The following NSUN7 variants were observed in gnomAD, a reference collection of about 807,000 sequenced individuals.
NSUN7 encodes NOP2/Sun RNA methyltransferase family member 7.
NSUN7 carries 39 observed loss-of-function variants against 58.5 expected under a neutral mutation model. The ratio of observed to expected loss-of-function variants is 0.67; its 90% CI spans 0.52 to 0.87. NSUN7 has a LOEUF of 0.87. Ranked by LOEUF, NSUN7 falls within the 40% of genes least tolerant of loss-of-function variation. The probability of loss-of-function intolerance (pLI) is 0.00; values close to 1 mark genes in which losing one functional copy is unlikely to be tolerated. For missense variants in NSUN7, 765 were observed against 844.1 expected (o/e 0.91, Z 1.16); for synonymous variants, 278 against 303.7 (o/e 0.92, Z 0.88).
chr4:40,757,408 C>G (rs1397293189), intron 2 of NSUN7, among the ~76,000 whole-genome samples: 1 of 151,622 alleles, frequency 6.6e-6, no homozygotes, highest in Non-Finnish European at 1.5e-5. Context: ...ATATTACATG[C>G]ATTTTTGATA....
chr4:40,785,547 G>T (rs1183048233), intron 7 of NSUN7, among the ~76,000 whole-genome samples: 4 of 152,056 alleles, frequency 2.6e-5, no homozygotes, highest in African/African-American at 9.7e-5. Context: ...TTTTAGTAGA[G>T]ATAGGGTTTC....
In NSUN7 at chr4:40,780,859, G is replaced by A. The variant is rs796277942; in HGVS notation, c.1036+4600G>A. Among the ~76,000 whole-genome samples the A allele has an allele frequency of 3.1e-3, 357 of 114,632 alleles. 1 individual carries two copies. The highest frequency in any genetic ancestry group is 0.011 in the African/African-American group (334 of 29,218). The allele number at this position is 114,632 out of a possible 152,430, so 75.2% of individuals were successfully genotyped here. Reference sequence around the variant, plus strand: ...TTTTGAGACGGTGTCTCGCTCTGTCGCCCAGGCTGGAGTGCAGTGGCATGA... The same window carrying A: ...TTTTGAGACGGTGTCTCGCTCTGTCACCCAGGCTGGAGTGCAGTGGCATGA... On this transcript the variant is annotated intron_variant, in intron 7 of 11. Transcript: ENST00000381782.
chr4:40,760,602 CCT>C, intron 3 of NSUN7, 110 bp downstream of exon 3: 1 of 805,648 alleles, frequency 1.2e-6, no homozygotes, highest in African/African-American at 1.8e-5. Flanking sequence ...GTGGCTCACA[CCT>C]GTAATCCCAG....
At chr4:40,807,434 C>T (rs554014286) in intron 11 of NSUN7, among the ~76,000 whole-genome samples, 20 of 151,668 alleles carry the variant, frequency 1.3e-4, no homozygotes, top group East Asian at 3.9e-4. Flanking sequence ...TTGCAACCTC[C>T]GCCTCCCAGG....
At chr4:40,767,332 C>T (rs1274913264) in intron 4 of NSUN7, among the ~76,000 whole-genome samples, 3 of 152,176 alleles carry the variant, frequency 2.0e-5, no homozygotes, top group Admixed American at 1.3e-4. Flanking sequence ...GCCTTCATTT[C>T]GTTATGTACC....
chr4:40,798,758 T>TA, intron 9 of NSUN7, 29 bp from the exon 10 acceptor site: 3 of 1,246,184 alleles, frequency 2.4e-6, no homozygotes, highest in Non-Finnish European at 2.3e-6. Context: ...ATATAGTTGT[T>TA]ACAGTCATTG....
chr4:40,783,476 A>C (rs1362185534), intron 7 of NSUN7, among the ~76,000 whole-genome samples: 1 of 72,910 alleles, frequency 1.4e-5, no homozygotes, highest in Admixed American at 1.7e-4. Flanking sequence ...CATCAAAAGC[A>C]CAAGCAACAA....
At chr4:40,779,710 G>A (rs1164831362) in intron 7 of NSUN7, among the ~76,000 whole-genome samples, 1 of 152,124 alleles carries the variant, frequency 6.6e-6, no homozygotes, top group Non-Finnish European at 1.5e-5. Context: ...AATGTTTAAT[G>A]GGGTTGCAAA....
chr4:40,766,351 T>G (rs1481837412), intron 4 of NSUN7, among the ~76,000 whole-genome samples: 23 of 151,910 alleles, frequency 1.5e-4, no homozygotes, highest in African/African-American at 5.6e-4. Context: ...ATGTGGTTTT[T>G]GTCTTTGGTT....
rs572134574 is a variant in NSUN7 at position 40,786,870 on chromosome 4, C to T, written c.1037-3732C>T. On this transcript the variant is annotated intron_variant, in intron 7 of 11. Transcript: ENST00000381782. ...ACAATCAGATGCCCAACTCTGTTGC[C>T]TTGTGGAAGATAAGTAAATGCAGTG... Among the ~76,000 whole-genome samples, 4 of 152,080 alleles carry T rather than the reference C, an allele frequency of 2.6e-5. No individual in the cohort carries two copies. In the East Asian group the frequency reaches 5.8e-4, roughly 22 times the overall value.
In NSUN7 at chr4:40,810,504, G is replaced by A. The variant is rs1182107437; in HGVS notation, c.*1565G>A. On this transcript the variant is annotated 3_prime_UTR_variant, in exon 12 of 12. Coordinates refer to ENST00000381782, the MANE Select transcript of NSUN7 (RefSeq NM_024677.6). ...GAGGTACGAGGATCTCTTGAGTCCA[G>A]GAGGTGCAGGTTGCAGTGAGCCAAT... 1 of 149,826 alleles carries A rather than the reference G, an allele frequency of 6.7e-6. No individual in the cohort carries two copies. Among genetic ancestry groups the A allele is most frequent in the African/African-American group, 2.5e-5 (1 of 40,406 alleles). 9.3% of individuals were successfully genotyped at this position (149,826 alleles called of 1,614,324 possible). A position where few individuals can be genotyped will look rare whatever the true frequency, so the allele number is the denominator to read the frequency against.
chr4:40,807,221 G>T, intron 11 of NSUN7, 37 bp downstream of exon 11: 2 of 1,522,548 alleles, frequency 1.3e-6, no homozygotes, highest in Non-Finnish European at 1.8e-6. Context: ...TCATACTTTG[G>T]AATTAATAAA....
chr4:40,799,699 T>C (rs1366617745), intron 10 of NSUN7, among the ~76,000 whole-genome samples: 1 of 152,154 alleles, frequency 6.6e-6, no homozygotes, highest in East Asian at 1.9e-4. Context: ...TTGTTGGGGA[T>C]GCTGCCAAAA....
chr4:40,810,200 GAA>G lies in NSUN7; in HGVS notation c.*1264_*1265del, dbSNP rs1191018447. 3 of 152,162 alleles carry G rather than the reference GAA, an allele frequency of 2.0e-5. No individual in the cohort carries two copies. Among genetic ancestry groups the G allele is most frequent in the African/African-American group, 7.2e-5 (3 of 41,430 alleles). 9.4% of individuals were successfully genotyped at this position (152,162 alleles called of 1,614,324 possible). A position where few individuals can be genotyped will look rare whatever the true frequency, so the allele number is the denominator to read the frequency against. On this transcript the variant is annotated 3_prime_UTR_variant, in exon 12 of 12. Transcript: ENST00000381782. ...ATTTTTACTTTCTTACTTGAAGTGA[GAA>G]AAGAGAATGGTGAATTGTATTATAG...
At chr4:40,783,280 A>G (rs567135736) in intron 7 of NSUN7, among the ~76,000 whole-genome samples, 1 of 152,364 alleles carries the variant, frequency 6.6e-6, no homozygotes, top group South Asian at 2.1e-4. Flanking sequence ...TAGTCTTTTC[A>G]ACAAATGGTG....
chr4:40,774,197 G>T lies in NSUN7; in HGVS notation c.489-68G>T. ...AAAATTCTAAATGTAATTTTTTAGA[G>T]TTTCCAGTGGAAAATTGATAGTCTT... On this transcript the variant is annotated intron_variant, in intron 4 of 11. Transcript: ENST00000381782. 2.2e-6 allele frequency: 3 copies of T among 1,347,468 alleles called. No homozygotes were observed. The South Asian group carries it at 3.8e-5, about 17-fold the overall frequency. 83.5% of individuals were successfully genotyped at this position (1,347,468 alleles called of 1,614,324 possible).
intron 4 of NSUN7, among the ~76,000 whole-genome samples, chr4:40,773,931 T>A (rs1191980396): frequency 6.6e-6 from 1 of 152,046 alleles, no homozygotes; most frequent in Non-Finnish European, 1.5e-5. Context: ...CCCGAGTAGC[T>A]GGGATTACAG....
At chr4:40,796,697 A>G (rs1743337810) in intron 9 of NSUN7, among the ~76,000 whole-genome samples, 1 of 152,106 alleles carries the variant, frequency 6.6e-6, no homozygotes, top group Admixed American at 6.5e-5. Context: ...CCTATTAATG[A>G]CAATTAACTC....
intron 9 of NSUN7, among the ~76,000 whole-genome samples, chr4:40,797,283 C>A (rs1325650134): frequency 1.3e-5 from 2 of 152,174 alleles, no homozygotes; most frequent in Non-Finnish European, 2.9e-5. Flanking sequence ...TGTATCTAGT[C>A]TTATGGTTTT....
Sources: gnomAD v4.1 joint callset for allele counts (sites outside exome capture counted in the v4.1 genomes callset) on GRCh38, gnomAD v4.1.1 for gene constraint, MANE v1.5 for transcripts, NCBI Gene and HGNC (gene_info 2026-07-23, HGNC 2026-07-21) for gene names.